CLSTN3: variants seen among roughly 807,000 people sequenced by gnomAD.
The protein encoded by CLSTN3 is calsyntenin 3.
Under a neutral mutation model 95.9 loss-of-function variants are expected in CLSTN3, and 36 were observed. The observed-to-expected ratio is 0.38, with a 90% CI of 0.29 to 0.50. The LOEUF is 0.50. Among genes scored for constraint, CLSTN3 ranks in the 20% least tolerant of loss-of-function variants. The pLI is 0.95. For synonymous variants in CLSTN3, 481 were observed against 504.0 expected, an observed-to-expected ratio of 0.95 and a Z score of 0.61; for missense variants, 1,084 against 1,268.8, an observed-to-expected ratio of 0.85 and a Z score of 2.21.
chr12:7,150,758 A>C lies in CLSTN3; in HGVS notation c.2391+69A>C. On this transcript the variant is annotated intron_variant, in intron 15 of 17. Coordinates refer to ENST00000266546, the MANE Select transcript of CLSTN3 (RefSeq NM_014718.4). The surrounding 1 kb of genome is among the most constrained non-coding windows in gnomAD (Gnocchi z 4.0). ...AAAGGAGCTGAGGTGGCATGGACTC[A>C]AAATGTTAGTTGGTGGGCATGGACA... The C allele has an allele frequency of 6.3e-7, 1 of 1,587,854 alleles. No homozygotes were observed. The highest frequency in any genetic ancestry group is 8.6e-7 in the Non-Finnish European group (1 of 1,160,952).
At position 7,133,169 on chromosome 12, in the gene CLSTN3, AAGGCAGGGT is replaced by A; in HGVS notation, c.187+27_187+35del. 6.2e-7 allele frequency: 1 copy of A among 1,613,786 alleles called. No individual in the cohort carries two copies. The highest frequency in any genetic ancestry group is 1.6e-4 in the Middle Eastern group (1 of 6,062). On this transcript the variant is annotated intron_variant, in intron 2 of 17. Coordinates refer to ENST00000266546, the MANE Select transcript of CLSTN3 (RefSeq NM_014718.4). The surrounding 1 kb of genome is among the most constrained non-coding windows in gnomAD (Gnocchi z 4.7). Reference sequence around the variant, plus strand: ...CAGGTAATTGGGATTGGGGGATGGCAAGGCAGGGTAGGACAGAGAAAAGTGGGTGGGAGG... The same window carrying A: ...CAGGTAATTGGGATTGGGGGATGGCAAGGACAGAGAAAAGTGGGTGGGAGG...
intron 12 of CLSTN3, among the ~76,000 whole-genome samples, chr12:7,147,996 A>G (rs1939650529): frequency 6.6e-6 from 1 of 152,082 alleles, no homozygotes; most frequent in African/African-American, 2.4e-5. Flanking sequence ...CTCTACTAAA[A>G]ATACAAAAAT....
chr12:7,149,696 C>G lies in CLSTN3; in HGVS notation c.2245+3C>G, dbSNP rs369904883. ...ATCTGCCTACCTCACTATTGCTGGT[C>G]AGTGGGGCCTGAGGGCCTGTCCTCT... On this transcript the variant is annotated splice_donor_region_variant and intron_variant, in intron 14 of 17. Coordinates refer to ENST00000266546, the MANE Select transcript of CLSTN3 (RefSeq NM_014718.4). This position sits in a 1 kb window ranked among gnomAD's most constrained non-coding sequence, Gnocchi z 4.5. 3.0e-5 allele frequency: 49 copies of G among 1,611,748 alleles called. No homozygotes were observed. Among genetic ancestry groups the G allele is most frequent in the Admixed American group, 3.3e-5 (2 of 59,906 alleles).
rs892725553 is a variant in CLSTN3, at chr12:7,137,406, A to T, written c.1210+296A>T. 5.1e-6 allele frequency: 2 copies of T among 394,346 alleles called. No individual in the cohort carries two copies. The highest frequency in any genetic ancestry group is 3.9e-5 in the Admixed American group (1 of 25,694). The allele number at this position is 394,346 out of a possible 1,614,324, so 24.4% of individuals were successfully genotyped here. A position where few individuals can be genotyped will look rare whatever the true frequency, so the allele number is the denominator to read the frequency against. ...GTCCCCACCCCCCATCTCCACCTCC[A>T]TTAAAGCCCCTCCATTGCAATGGGA... On this transcript the variant is annotated intron_variant, in intron 7 of 17. Coordinates refer to ENST00000266546, the MANE Select transcript of CLSTN3 (RefSeq NM_014718.4). The surrounding 1 kb of genome is among the most constrained non-coding windows in gnomAD (Gnocchi z 4.4).
chr12:7,137,837 A>G lies in CLSTN3; in HGVS notation c.1211-118A>G. On this transcript the variant is annotated intron_variant, in intron 7 of 17. Coordinates refer to ENST00000266546, the MANE Select transcript of CLSTN3 (RefSeq NM_014718.4). This position sits in a 1 kb window ranked among gnomAD's most constrained non-coding sequence, Gnocchi z 4.4. ...GAGAGAGAGAGGAAAGAAAAATGCT[A>G]GAGAACGAGGGAATGAGAGAGGATT... 2 of 669,344 alleles carry G rather than the reference A, an allele frequency of 3.0e-6. No homozygotes were observed. The highest frequency in any genetic ancestry group is 5.2e-6 in the Non-Finnish European group (2 of 388,326). The allele number at this position is 669,344 out of a possible 1,614,324, so 41.5% of individuals were successfully genotyped here.
At chr12:7,144,731 AT>A (rs1444358381) in intron 12 of CLSTN3, among the ~76,000 whole-genome samples, 2 of 152,112 alleles carry the variant, frequency 1.3e-5, no homozygotes, top group Non-Finnish European at 2.9e-5. Context: ...AACATCTCAA[AT>A]TTGCCCCTAT....
In CLSTN3 at chr12:7,133,218, AG is replaced by A; in HGVS notation, c.187+75del. 1 of 728,566 alleles carries A rather than the reference AG, an allele frequency of 1.4e-6. No individual in the cohort carries two copies. Among genetic ancestry groups the A allele is most frequent in the Non-Finnish European group, 2.4e-6 (1 of 423,134 alleles). 45.1% of individuals were successfully genotyped at this position (728,566 alleles called of 1,614,324 possible). A position where few individuals can be genotyped will look rare whatever the true frequency, so the allele number is the denominator to read the frequency against. On this transcript the variant is annotated intron_variant, in intron 2 of 17. Transcript: ENST00000266546. This position sits in a 1 kb window ranked among gnomAD's most constrained non-coding sequence, Gnocchi z 4.7. ...TGGGTGGGAGGGCCAAGAGCAAGGG[AG>A]GGAGGGAAGGTCCTGGGAGTGATGA...
At position 7,150,928 on chromosome 12, in the gene CLSTN3, G is replaced by A; in HGVS notation, c.2392G>A (p.Val798Ile). ...CCCATGGAGCCCTCCCTCTGCCCAG[G>A]TCAATGTCCTGCACAGCATGAACCG... ...RYSSNEFIVEVNVLHSMNRVA... is the reference protein window; with the variant it reads ...RYSSNEFIVEINVLHSMNRVA... Residue 798 changes from valine to isoleucine, a missense_variant and splice_region_variant, in exon 16 of 18, where the codon GTC becomes ATC. Val to Ile is a conservative substitution (Grantham distance 29). Coordinates refer to ENST00000266546, the MANE Select transcript of CLSTN3 (RefSeq NM_014718.4). The surrounding 1 kb of genome is among the most constrained non-coding windows in gnomAD (Gnocchi z 4.0). 6.3e-7 allele frequency: 1 copy of A among 1,594,898 alleles called. No homozygotes were observed. Among genetic ancestry groups the A allele is most frequent in the South Asian group, 1.1e-5 (1 of 88,546 alleles).
intron 3 of CLSTN3, among the ~76,000 whole-genome samples, chr12:7,135,108 C>T (rs1159025693): frequency 6.6e-6 from 1 of 151,942 alleles, no homozygotes; most frequent in Non-Finnish European, 1.5e-5. Flanking sequence ...GGCTGTATCT[C>T]GTTGTGCCCA....
Position 7,150,071 on chromosome 12 carries a change from C to T in CLSTN3, c.2245+378C>T, listed in dbSNP as rs1273746150. Among the ~76,000 whole-genome samples, 1 of 152,128 alleles carries T rather than the reference C, an allele frequency of 6.6e-6. No individual in the cohort carries two copies. Among genetic ancestry groups the T allele is most frequent in the African/African-American group, 2.4e-5 (1 of 41,414 alleles). The stretch of plus-strand genomic sequence containing the variant: ...TCAGCTCACTCATCTCACGTGCACA[C>T]CAGAGCTTTACAAGAAGTACTCATC... On this transcript the variant is annotated intron_variant, in intron 14 of 17. Coordinates refer to ENST00000266546, the MANE Select transcript of CLSTN3 (RefSeq NM_014718.4). This position sits in a 1 kb window ranked among gnomAD's most constrained non-coding sequence, Gnocchi z 4.0.
At chr12:7,147,083 T>C (rs908175119) in intron 12 of CLSTN3, among the ~76,000 whole-genome samples, 7 of 152,142 alleles carry the variant, frequency 4.6e-5, no homozygotes, top group Admixed American at 6.5e-5. Flanking sequence ...CTCTGTAAAA[T>C]CATTTCCGCT....
intron 1 of CLSTN3, chr12:7,131,794 G>T (rs1455341318): frequency 2.2e-6 from 1 of 456,506 alleles, no homozygotes; most frequent in Admixed American, 2.3e-5. Context: ...GCACCATCTT[G>T]TGGCTTTCTC....
chr12:7,158,115 C>T lies in CLSTN3; in HGVS notation c.*34C>T. On this transcript the variant is annotated 3_prime_UTR_variant, in exon 18 of 18. Coordinates refer to ENST00000266546, the MANE Select transcript of CLSTN3 (RefSeq NM_014718.4). ...CCTCTCCCCACGCAGAGGGGGAATT[C>T]TGCCCTGGTGAAACAGACACTCCAG... The T allele has an allele frequency of 6.8e-7, 1 of 1,475,918 alleles. No individual in the cohort carries two copies. The highest frequency in any genetic ancestry group is 9.1e-7 in the Non-Finnish European group (1 of 1,104,852). 91.4% of individuals were successfully genotyped at this position (1,475,918 alleles called of 1,614,324 possible). A position where few individuals can be genotyped will look rare whatever the true frequency, so the allele number is the denominator to read the frequency against.
upstream of CLSTN3, chr12:7,130,256 C>A (rs867893185): frequency 2.3e-5 from 12 of 529,364 alleles, no homozygotes; most frequent in South Asian, 2.4e-4. Context: ...ACTCTCCAGC[C>A]CCGACGCCCC....
Position 7,137,169 on chromosome 12 carries a change from G to A in CLSTN3, c.1210+59G>A. 1.3e-6 allele frequency: 2 copies of A among 1,528,522 alleles called. No individual in the cohort carries two copies. Among genetic ancestry groups the A allele is most frequent in the Admixed American group, 1.8e-5 (1 of 55,656 alleles). The allele number at this position is 1,528,522 out of a possible 1,614,324, so 94.7% of individuals were successfully genotyped here. A position where few individuals can be genotyped will look rare whatever the true frequency, so the allele number is the denominator to read the frequency against. On this transcript the variant is annotated intron_variant, in intron 7 of 17. Transcript: ENST00000266546. This position sits in a 1 kb window ranked among gnomAD's most constrained non-coding sequence, Gnocchi z 4.4. The stretch of plus-strand genomic sequence containing the variant: ...GAAACTGGCTTCTTGTCCCGCCTCT[G>A]TCACTGCCCAGTGTGTGACTGTGAA...
chr12:7,157,768 C>A lies in CLSTN3; in HGVS notation c.2730+77C>A. 1 of 1,510,302 alleles carries A rather than the reference C, an allele frequency of 6.6e-7. No homozygotes were observed. Among genetic ancestry groups the A allele is most frequent in the Non-Finnish European group, 8.9e-7 (1 of 1,118,790 alleles). The allele number at this position is 1,510,302 out of a possible 1,614,324, so 93.6% of individuals were successfully genotyped here. A position where few individuals can be genotyped will look rare whatever the true frequency, so the allele number is the denominator to read the frequency against. Reference sequence around the variant, plus strand: ...CACGGTGAGGACTCCTGAGGAGGGGCAGGCCTGGGTGGAGGCTGTTCGCAG... The same window carrying A: ...CACGGTGAGGACTCCTGAGGAGGGGAAGGCCTGGGTGGAGGCTGTTCGCAG... On this transcript the variant is annotated intron_variant, in intron 17 of 17. Coordinates refer to ENST00000266546, the MANE Select transcript of CLSTN3 (RefSeq NM_014718.4). This position sits in a 1 kb window ranked among gnomAD's most constrained non-coding sequence, Gnocchi z 5.9.
rs1420082248 is a variant in CLSTN3 at position 7,135,544 on chromosome 12, AC to A, written c.592+13del. 1 of 1,612,688 alleles carries A rather than the reference AC, an allele frequency of 6.2e-7. No individual in the cohort carries two copies. Among genetic ancestry groups the A allele is most frequent in the Non-Finnish European group, 8.5e-7 (1 of 1,179,070 alleles). On this transcript the variant is annotated intron_variant, in intron 4 of 17. Coordinates refer to ENST00000266546, the MANE Select transcript of CLSTN3 (RefSeq NM_014718.4). ...CCTCATTGACAATGACGGTGAGTCC[AC>A]CCCTGGCTTCCCTGGCCACCCAGTT...
chr12:7,138,062 G>A lies in CLSTN3; in HGVS notation c.1318G>A (p.Glu440Lys). ...ARPVKFLWKL[E>K]QVCDDEWHHY... The stretch of plus-strand genomic sequence containing the variant: ...CCCAGTCAAGTTCCTCTGGAAGCTG[G>A]AGCAGGTGAGGCAAGAGCCAGGCTC... Residue 440 changes from glutamate (E) to lysine (K), a missense_variant, in exon 8 of 18, where the codon GAG becomes AAG. Glu to Lys is a moderately conservative substitution (Grantham distance 56). Transcript: ENST00000266546. 1 of 1,613,276 alleles carries A rather than the reference G, an allele frequency of 6.2e-7. No individual in the cohort carries two copies. Among genetic ancestry groups the A allele is most frequent in the Non-Finnish European group, 8.5e-7 (1 of 1,179,448 alleles).
Position 7,150,754 on chromosome 12 carries a change from A to T in CLSTN3, c.2391+65A>T. 6.3e-7 allele frequency: 1 copy of T among 1,589,612 alleles called. No individual in the cohort carries two copies. The highest frequency in any genetic ancestry group is 8.6e-7 in the Non-Finnish European group (1 of 1,161,996). ...CCAGAAAGGAGCTGAGGTGGCATGG[A>T]CTCAAAATGTTAGTTGGTGGGCATG... On this transcript the variant is annotated intron_variant, in intron 15 of 17. Transcript: ENST00000266546. This position sits in a 1 kb window ranked among gnomAD's most constrained non-coding sequence, Gnocchi z 4.0.
Sources: allele counts gnomAD v4.1 joint callset (sites outside exome capture counted in the v4.1 genomes callset), GRCh38; gene constraint gnomAD v4.1.1; non-coding constraint Gnocchi (gnomAD v3.1); transcripts MANE v1.5; gene names NCBI Gene and HGNC (gene_info 2026-07-23, HGNC 2026-07-21).